CNGA1: variants seen among roughly 807,000 people sequenced by gnomAD.
The protein encoded by CNGA1 is cyclic nucleotide gated channel subunit alpha 1.
A neutral mutation model predicts 69.7 loss-of-function variants in CNGA1; 53 were observed. That is an observed-to-expected ratio of 0.76 (90% confidence interval 0.61 to 0.96). The LOEUF (loss-of-function observed/expected upper bound fraction) is 0.96. Among genes scored for constraint, CNGA1 ranks in the 40% least tolerant of loss-of-function variants. CNGA1 has a pLI of 0.00. For missense variants in CNGA1, 739 were observed against 811.2 expected (o/e 0.91, Z 1.08); for synonymous variants, 249 against 283.5 (o/e 0.88, Z 1.22).
chr4:47,952,932 A>G (rs1290033042), intron 3 of CNGA1: 5 of 251,884 alleles, frequency 2.0e-5, no homozygotes, highest in East Asian at 7.2e-5. Context: ...CACATCTTAC[A>G]TGGCAGCAGG....
At chr4:47,984,845 A>T (rs1056951238) in intron 2 of CNGA1, among the ~76,000 whole-genome samples, 6 of 152,060 alleles carry the variant, frequency 3.9e-5, no homozygotes, top group Non-Finnish European at 8.8e-5. Flanking sequence ...GGGAGTTAAG[A>T]TCTTCAGAAA....
intron 2 of CNGA1, among the ~76,000 whole-genome samples, chr4:47,989,477 G>A (rs1325515487): frequency 6.6e-6 from 1 of 151,752 alleles, no homozygotes; most frequent in Non-Finnish European, 1.5e-5. Flanking sequence ...TCATTCTACG[G>A]TAACTGAAAT....
rs186833982 is a variant in CNGA1 at position 47,955,374 on chromosome 4, G to C, written c.-14-2671C>G. ...ATTTTTGTATTTTTACTAGAGACAG[G>C]GTTTCGCCATGTTGGTCAGGCTGGT... On this transcript the variant is annotated intron_variant, in intron 3 of 10. Coordinates refer to ENST00000514170, the MANE Select transcript of CNGA1 (RefSeq NM_001379270.1). Among the ~76,000 whole-genome samples, 5 of 151,924 alleles carry C rather than the reference G, an allele frequency of 3.3e-5. No homozygotes were observed. The East Asian group carries it at 5.8e-4, about 18-fold the overall frequency.
intron 3 of CNGA1, among the ~76,000 whole-genome samples, chr4:47,975,684 T>A (rs899869751): frequency 6.6e-6 from 1 of 152,146 alleles, no homozygotes; most frequent in Non-Finnish European, 1.5e-5. Flanking sequence ...TAAATATTTG[T>A]TAAATAAGCA....
At position 47,940,825 on chromosome 4, in the gene CNGA1, A is replaced by G; in HGVS notation, c.590T>C (p.Leu197Pro). Reference sequence around the variant, plus strand: ...TATGTCTGATACGTAATCCAAAATGAGCCAATATTCTAGGTAATCAGATTG... The same window carrying G: ...TATGTCTGATACGTAATCCAAAATGGGCCAATATTCTAGGTAATCAGATTG... ...ELQSDYLEYW[L>P]ILDYVSDIVY... Residue 197 changes from leucine (L) to proline (P), a missense_variant, in exon 10 of 11, where the codon CTC (leucine) becomes CCC (proline). Physicochemically the swap from Leu to Pro is moderately conservative, Grantham distance 98. Transcript: ENST00000514170. 1.2e-6 allele frequency: 2 copies of G among 1,612,586 alleles called. No homozygotes were observed. The highest frequency in any genetic ancestry group is 1.7e-6 in the Non-Finnish European group (2 of 1,178,774).
intron 2 of CNGA1, among the ~76,000 whole-genome samples, chr4:47,990,524 G>C (rs756672310): frequency 1.3e-5 from 2 of 152,038 alleles, no homozygotes; most frequent in Admixed American, 1.3e-4. Flanking sequence ...ATGCACAGTG[G>C]GACATAGACC....
intron 2 of CNGA1, among the ~76,000 whole-genome samples, chr4:47,994,687 G>C (rs1742408530): frequency 6.6e-6 from 1 of 152,136 alleles, no homozygotes. Context: ...GTATTGAGAT[G>C]TGAGGTGCCA....
At chr4:47,965,812 A>C (rs185421111) in intron 3 of CNGA1, among the ~76,000 whole-genome samples, 1 of 152,244 alleles carries the variant, frequency 6.6e-6, no homozygotes, top group East Asian at 1.9e-4. Context: ...TAAAGGTAAA[A>C]TTACTCTGTA....
chr4:47,973,366 G>A (rs762896622), intron 3 of CNGA1, among the ~76,000 whole-genome samples: 2 of 151,974 alleles, frequency 1.3e-5, no homozygotes, highest in African/African-American at 2.4e-5. Context: ...GTGAACCACC[G>A]CGTCCGGTCT....
At chr4:47,998,334 T>C (rs1490509344) in intron 2 of CNGA1, among the ~76,000 whole-genome samples, 1 of 152,172 alleles carries the variant, frequency 6.6e-6, no homozygotes, top group Non-Finnish European at 1.5e-5. Flanking sequence ...AATCTGGACA[T>C]GCATAAATGA....
At chr4:47,979,504 G>A (rs1048776451) in intron 3 of CNGA1, among the ~76,000 whole-genome samples, 3 of 152,244 alleles carry the variant, frequency 2.0e-5, no homozygotes, top group Non-Finnish European at 2.9e-5. Context: ...GTAAATGGCT[G>A]TAGCATCCTA....
At chr4:48,010,451 G>A (rs770338879) in intron 2 of CNGA1, among the ~76,000 whole-genome samples, 26 of 152,170 alleles carry the variant, frequency 1.7e-4, no homozygotes, top group African/African-American at 4.8e-4. Flanking sequence ...GAGAAGCCTC[G>A]GTTGTGTTAC....
intron 5 of CNGA1, among the ~76,000 whole-genome samples, chr4:47,950,262 G>A (rs751691743): frequency 2.6e-5 from 4 of 152,290 alleles, no homozygotes; most frequent in African/African-American, 4.8e-5. Context: ...TCTCGTGCTA[G>A]TAAATAAGTC....
At chr4:48,001,464 G>T (rs1425698249) in intron 2 of CNGA1, among the ~76,000 whole-genome samples, 2 of 152,054 alleles carry the variant, frequency 1.3e-5, no homozygotes, top group Non-Finnish European at 2.9e-5. Context: ...GCAAGACTCT[G>T]TTTAAAAAAA....
At chr4:48,006,280 C>A (rs1214361509) in intron 2 of CNGA1, among the ~76,000 whole-genome samples, 1 of 152,002 alleles carries the variant, frequency 6.6e-6, no homozygotes, top group African/African-American at 2.4e-5. Flanking sequence ...CAAAAAAAGA[C>A]AATAATTGTC....
chr4:48,011,077 T>G (rs2109356531), intron 1 of CNGA1, among the ~76,000 whole-genome samples, 184 bp from the exon 2 acceptor site: 1 of 152,316 alleles, frequency 6.6e-6, no homozygotes, highest in South Asian at 2.1e-4. Flanking sequence ...GATGGCTATT[T>G]CTTTACCTCC....
chr4:48,011,536 T>G (rs1715166799), intron 1 of CNGA1, among the ~76,000 whole-genome samples: 1 of 152,182 alleles, frequency 6.6e-6, no homozygotes, highest in Non-Finnish European at 1.5e-5. Context: ...AGAGTTGAAC[T>G]CTAAAATATT....
At position 47,936,491 on chromosome 4, in the gene CNGA1, G is replaced by A. The variant is rs757837096; in HGVS notation, c.1991C>T (p.Pro664Leu). Residue 664 changes from proline to leucine, a missense_variant, in exon 11 of 11, where the codon CCG becomes CTG. Physicochemically the swap from Pro to Leu is moderately conservative, Grantham distance 98. Coordinates refer to ENST00000514170, the MANE Select transcript of CNGA1 (RefSeq NM_001379270.1). ...ACTTGAAAATTCTGTGTCAATAAGC[G>A]GTTTCAGAAATTTCTCAACCTTGGT... ...RLTKVEKFLKPLIDTEFSSIE... is the reference protein window; with the variant it reads ...RLTKVEKFLKLLIDTEFSSIE... 1.2e-5 allele frequency: 19 copies of A among 1,613,992 alleles called. No homozygotes were observed. The highest frequency in any genetic ancestry group is 5.3e-5 in the African/African-American group (4 of 74,902).
chr4:47,987,410 T>C (rs1156470068), intron 2 of CNGA1, among the ~76,000 whole-genome samples: 1 of 152,204 alleles, frequency 6.6e-6, no homozygotes, highest in African/African-American at 2.4e-5. Context: ...CGTTATGTAA[T>C]TAATTGTTTA....
Sources: gnomAD v4.1 joint callset for allele counts (sites outside exome capture counted in the v4.1 genomes callset) on GRCh38, gnomAD v4.1.1 for gene constraint, MANE v1.5 for transcripts, NCBI Gene and HGNC (gene_info 2026-07-23, HGNC 2026-07-21) for gene names.